Variants in TMEM63B observed in about 807,000 individuals in gnomAD.
TMEM63B encodes the protein transmembrane protein 63B.
A neutral mutation model predicts 102.6 loss-of-function variants in TMEM63B; 23 were observed. The observed-to-expected ratio is 0.22, with a 90% CI of 0.16 to 0.32. The LOEUF (loss-of-function observed/expected upper bound fraction) is 0.32, where lower values mean the gene tolerates loss of function less well. Ranked by LOEUF, TMEM63B falls within the 10% of genes least tolerant of loss-of-function variation. TMEM63B has a pLI of 1.00. For synonymous variants in TMEM63B, 444 were observed against 437.0 expected (o/e 1.02, Z -0.20); for missense variants, 628 against 1,095.9 (o/e 0.57, Z 6.03).
At position 44,154,431 on chromosome 6, in the gene TMEM63B, G is replaced by C. The variant is rs1582837926; in HGVS notation, c.2293G>C (p.Val765Leu). Residue 765 changes from valine (V) to leucine (L), a missense_variant, in exon 23 of 24, where the codon GTC (valine) becomes CTC (leucine). Physicochemically the swap from Val to Leu is conservative, Grantham distance 32. This residue lies in a region of TMEM63B where 129 missense variants were observed against 153.5 expected (regional missense o/e 0.84). Transcript: ENST00000323267. ...SNGRPPTAAA[V>L]PKSAKYIAQV... is the part of the protein sequence containing the mutation. ...TGGACGGCCCCCCACTGCTGCTGCTGTCCCCAAATCTGCGGTGAGTGCCCT... is the reference window on the plus strand; with the variant it reads ...TGGACGGCCCCCCACTGCTGCTGCTCTCCCCAAATCTGCGGTGAGTGCCCT... 36 of 1,614,038 alleles carry C rather than the reference G, an allele frequency of 2.2e-5. No homozygotes were observed. The highest frequency in any genetic ancestry group is 3.1e-5 in the Non-Finnish European group (36 of 1,179,966).
At chr6:44,137,635 T>C (rs1406668401) in intron 5 of TMEM63B, among the ~76,000 whole-genome samples, 1 of 151,808 alleles carries the variant, frequency 6.6e-6, no homozygotes, top group Non-Finnish European at 1.5e-5. Context: ...TGCGCAGCCC[T>C]CCCCTGAATA....
At chr6:44,127,847 C>G (rs981858655) in intron 1 of TMEM63B, 169 bp downstream of exon 1, 1 of 151,594 alleles carries the variant, frequency 6.6e-6, no homozygotes, top group Non-Finnish European at 1.5e-5. Flanking sequence ...CCCCCAACCC[C>G]GCACCATCCC....
At position 44,150,012 on chromosome 6, in the gene TMEM63B, A is replaced by G. The variant is rs1766265515; in HGVS notation, c.1520+47A>G. On this transcript the variant is annotated intron_variant, in intron 16 of 23. Coordinates refer to ENST00000323267, the MANE Select transcript of TMEM63B (RefSeq NM_018426.3). The surrounding 1 kb of genome is among the most constrained non-coding windows in gnomAD (Gnocchi z 4.7). ...CACACCTCGCTGTGGCCTGCCCTCA[A>G]TGACCCATCCTCTCTGGGCAGCACT... The G allele has an allele frequency of 1.9e-6, 3 of 1,560,644 alleles. No homozygotes were observed. The highest frequency in any genetic ancestry group is 1.1e-5 in the South Asian group (1 of 87,378).
At chr6:44,146,512 G>A (rs35738079) in intron 10 of TMEM63B, among the ~76,000 whole-genome samples, 18,454 of 148,692 alleles carry the variant, frequency 0.12, 1,274 homozygotes, top group Admixed American at 0.19. Flanking sequence ...GTGCAGTGGC[G>A]CGATCTTGGC....
In TMEM63B at chr6:44,141,009, C is replaced by CCACT. The variant is rs1764147934; in HGVS notation, c.712-17_712-14dup. ...TGGGGTCAAGCCTCAGAAGGCAAAC[C>CCACT]CACTCCCCTGTCACCCAGGTGAAGC... On this transcript the variant is annotated intron_variant, in intron 9 of 23. Coordinates refer to ENST00000323267, the MANE Select transcript of TMEM63B (RefSeq NM_018426.3). 1 of 1,613,758 alleles carries CCACT rather than the reference C, an allele frequency of 6.2e-7. No individual in the cohort carries two copies. Among genetic ancestry groups the CCACT allele is most frequent in the African/African-American group, 1.3e-5 (1 of 75,022 alleles).
At chr6:44,128,429 G>A (rs1409110537) in intron 1 of TMEM63B, among the ~76,000 whole-genome samples, 1 of 152,258 alleles carries the variant, frequency 6.6e-6, no homozygotes, top group Non-Finnish European at 1.5e-5. Context: ...TGTGGGGAGG[G>A]GGCGCCGCTT....
intron 10 of TMEM63B, among the ~76,000 whole-genome samples, chr6:44,145,602 CAAAACAAAAACA>C (rs200296928): frequency 2.2e-4 from 33 of 150,890 alleles, no homozygotes; most frequent in African/African-American, 7.6e-4. Flanking sequence ...AAAAACAAAA[CAAAACAAAAACA>C]AAAACAAAAA....
chr6:44,153,637 C>A, intron 20 of TMEM63B, 39 bp from the exon 21 acceptor site: 1 of 1,595,796 alleles, frequency 6.3e-7, no homozygotes. Context: ...GGTTCGGCAG[C>A]ACTGGTTCCG....
Position 44,147,495 on chromosome 6 carries a change from G to A in TMEM63B, c.982G>A (p.Glu328Lys), listed in dbSNP as rs1162608971. Residue 328 changes from glutamate to lysine, a missense_variant, in exon 12 of 24, where the codon GAG becomes AAG. Transcript: ENST00000323267. ...CTGCTGCTGTGTGGTGCGAGGCTGTGAGCAGGTATGACGCGGGCTGGCTGT... is the reference window on the plus strand; with the variant it reads ...CTGCTGCTGTGTGGTGCGAGGCTGTAAGCAGGTATGACGCGGGCTGGCTGT... ...HLCCCVVRGC[E>K]QVEAIEYYTK... The A allele has an allele frequency of 3.1e-6, 5 of 1,614,156 alleles. No homozygotes were observed. The highest frequency in any genetic ancestry group is 1.1e-5 in the South Asian group (1 of 91,080).
intron 5 of TMEM63B, among the ~76,000 whole-genome samples, chr6:44,137,813 C>T (rs776405386): frequency 3.9e-5 from 6 of 151,968 alleles, no homozygotes; most frequent in Non-Finnish European, 7.4e-5. Context: ...ATTTTCCAGT[C>T]TCAGCCTCCC....
chr6:44,137,897 A>G (rs1763314265), intron 5 of TMEM63B, among the ~76,000 whole-genome samples: 3 of 151,980 alleles, frequency 2.0e-5, no homozygotes, highest in South Asian at 4.1e-4. Context: ...ACGGGGTGTC[A>G]CCATGTTGGC....
At chr6:44,138,589 G>T in intron 6 of TMEM63B, 72 bp downstream of exon 6, 1 of 1,594,388 alleles carries the variant, frequency 6.3e-7, no homozygotes, top group Non-Finnish European at 8.6e-7. Flanking sequence ...ACAAAATTCA[G>T]AAGCCAGCAG....
rs1454585409 is a variant in TMEM63B at position 44,148,200 on chromosome 6, G to A, written c.988-52G>A. ...AGTCAGCGTGGGCTGGATGCTGCAGGCCCCAGCCTGGCTTTCCAACTAGAG... is the reference window on the plus strand; with the variant it reads ...AGTCAGCGTGGGCTGGATGCTGCAGACCCCAGCCTGGCTTTCCAACTAGAG... On this transcript the variant is annotated intron_variant, in intron 12 of 23. Transcript: ENST00000323267. This position sits in a 1 kb window ranked among gnomAD's most constrained non-coding sequence, Gnocchi z 5.1. 3.1e-6 allele frequency: 5 copies of A among 1,607,590 alleles called. No homozygotes were observed. The highest frequency in any genetic ancestry group is 4.3e-6 in the Non-Finnish European group (5 of 1,176,022).
At position 44,152,520 on chromosome 6, in the gene TMEM63B, C is replaced by T. The variant is rs991779609; in HGVS notation, c.1837-73C>T. 2.5e-5 allele frequency: 26 copies of T among 1,044,314 alleles called. No homozygotes were observed. The East Asian group carries it at 5.2e-4, about 21-fold the overall frequency. 64.7% of individuals were successfully genotyped at this position (1,044,314 alleles called of 1,614,324 possible). A position where few individuals can be genotyped will look rare whatever the true frequency, so the allele number is the denominator to read the frequency against. Reference sequence around the variant, plus strand: ...GCCCCAGAGGTCCTGGCTCCCTTCCCCCTCCCTCCTTCCCTGCCCCTCTGG... The same window carrying T: ...GCCCCAGAGGTCCTGGCTCCCTTCCTCCTCCCTCCTTCCCTGCCCCTCTGG... On this transcript the variant is annotated intron_variant, in intron 19 of 23. Transcript: ENST00000323267. This position sits in a 1 kb window ranked among gnomAD's most constrained non-coding sequence, Gnocchi z 6.4.
chr6:44,130,973 A>G (rs1778156864), intron 1 of TMEM63B, among the ~76,000 whole-genome samples: 1 of 151,810 alleles, frequency 6.6e-6, no homozygotes. Flanking sequence ...GCTGGAGTGC[A>G]GTGGCATGAT....
chr6:44,149,710 C>A (rs1466371654), intron 15 of TMEM63B, 149 bp from the exon 16 acceptor site: 1 of 632,850 alleles, frequency 1.6e-6, no homozygotes, highest in South Asian at 1.9e-5. Flanking sequence ...CCCCCACCCT[C>A]ACCCCAGCCC....
Position 44,148,522 on chromosome 6 carries a change from G to C in TMEM63B, c.1131G>C (p.Lys377Asn). ...GTGCCCATCTTTCTAGCATCCTGAA[G>C]GACTTCAACGTGTGTAAATGCCAGG... ...HNETITAIIL[K>N]DFNVCKCQGC... The change falls in exon 14 of 24, where the codon AAG becomes AAC. Residue 377 changes from lysine to asparagine, a missense_variant. This residue lies in a region of TMEM63B where 336 missense variants were observed against 580.3 expected (regional missense o/e 0.58). Coordinates refer to ENST00000323267, the MANE Select transcript of TMEM63B (RefSeq NM_018426.3). The surrounding 1 kb of genome is among the most constrained non-coding windows in gnomAD (Gnocchi z 5.1). The C allele has an allele frequency of 6.2e-7, 1 of 1,614,138 alleles. No individual in the cohort carries two copies.
At chr6:44,142,696 C>G (rs1764547440) in intron 10 of TMEM63B, among the ~76,000 whole-genome samples, 1 of 151,954 alleles carries the variant, frequency 6.6e-6, no homozygotes, top group South Asian at 2.1e-4. Context: ...GGATCATGGC[C>G]CAGACTGAGG....
Position 44,147,418 on chromosome 6 carries a change from A to G in TMEM63B, c.905A>G (p.Gln302Arg). 6.2e-7 allele frequency: 1 copy of G among 1,614,236 alleles called. No individual in the cohort carries two copies. The highest frequency in any genetic ancestry group is 8.5e-7 in the Non-Finnish European group (1 of 1,180,048). ...ERGKLYFTNL[Q>R]SKENVPTMIN... is the part of the protein sequence containing the mutation. ...GGAAAGCTGTACTTCACAAACCTCC[A>G]GAGCAAGGAGAACGTGCCTACCATG... The change falls in exon 12 of 24, where the codon CAG (glutamine) becomes CGG (arginine). Residue 302 changes from glutamine to arginine, a missense_variant. Physicochemically the swap from Gln to Arg is conservative, Grantham distance 43 (BLOSUM62 1). Around this residue, in one of 6 missense-constraint regions of TMEM63B, gnomAD observed 336 missense variants for 580.3 expected, o/e 0.58. Coordinates refer to ENST00000323267, the MANE Select transcript of TMEM63B (RefSeq NM_018426.3).
Sources: allele counts gnomAD v4.1 joint callset (sites outside exome capture counted in the v4.1 genomes callset), GRCh38; gene constraint gnomAD v4.1.1; regional missense constraint gnomAD v4.1.1; non-coding constraint Gnocchi (gnomAD v3.1); transcripts MANE v1.5; gene names NCBI Gene and HGNC (gene_info 2026-07-23, HGNC 2026-07-21).